NOTCH4: variants seen among roughly 807,000 people sequenced by gnomAD.
The protein encoded by NOTCH4 is neurogenic locus notch homolog protein 4.
Under a neutral mutation model 189.0 loss-of-function variants are expected in NOTCH4, and 138 were observed. That is an observed-to-expected ratio of 0.73 (90% CI 0.64 to 0.84). The LOEUF (loss-of-function observed/expected upper bound fraction) is 0.84. Ranked by LOEUF, NOTCH4 falls within the 40% of genes least tolerant of loss-of-function variation. NOTCH4 has a pLI of 0.00. For synonymous variants in NOTCH4, 942 were observed against 1,032.8 expected (o/e 0.91, Z 1.69); for missense variants, 2,286 against 2,605.4 (o/e 0.88, Z 2.67).
chr6:32,199,101 C>T lies in NOTCH4; in HGVS notation c.4360G>A (p.Val1454Met). The part of the protein sequence containing the change: ...QLPWPVLCSP[V>M]AGVILLALGA... ...AGGGCCAGGAGAATCACCCCGGCCACTGGGGAGCACAGCACAGGCCAGGGA... is the reference window on the plus strand; with the variant it reads ...AGGGCCAGGAGAATCACCCCGGCCATTGGGGAGCACAGCACAGGCCAGGGA... The change falls in exon 24 of 30, where the codon GTG becomes ATG. Residue 1454 changes from valine to methionine, a missense_variant. Around this residue, in one of 2 missense-constraint regions of NOTCH4, gnomAD observed 1,903 missense variants for 2,261.9 expected, o/e 0.84. Transcript: ENST00000375023. This position sits in a 1 kb window ranked among gnomAD's most constrained non-coding sequence, Gnocchi z 4.9. 2 of 1,611,866 alleles carry T rather than the reference C, an allele frequency of 1.2e-6. No individual in the cohort carries two copies. The highest frequency in any genetic ancestry group is 1.7e-6 in the Non-Finnish European group (2 of 1,179,558).
At chr6:32,209,050 C>T (rs751669836) in intron 18 of NOTCH4, among the ~76,000 whole-genome samples, 1 of 152,136 alleles carries the variant, frequency 6.6e-6, no homozygotes, top group Non-Finnish European at 1.5e-5. Flanking sequence ...CATATAGACA[C>T]AATGGAATAT....
Position 32,210,469 on chromosome 6 carries a change from G to A in NOTCH4, c.2865+283C>T, listed in dbSNP as rs1582800272. ...AAAGGCTGAACCTATAGAAGGACAA[G>A]TGTGGAGGCAGAGACTGTAGTTAGG... On this transcript the variant is annotated intron_variant, in intron 18 of 29. Coordinates refer to ENST00000375023, the MANE Select transcript of NOTCH4 (RefSeq NM_004557.4). This position sits in a 1 kb window ranked among gnomAD's most constrained non-coding sequence, Gnocchi z 4.8. Among the ~76,000 whole-genome samples, 1 of 152,220 alleles carries A rather than the reference G, an allele frequency of 6.6e-6. No individual in the cohort carries two copies. The highest frequency in any genetic ancestry group is 6.5e-5 in the Admixed American group (1 of 15,286).
chr6:32,223,170 C>A, intron 1 of NOTCH4, 84 bp from the exon 2 acceptor site: 1 of 971,436 alleles, frequency 1.0e-6, no homozygotes, highest in Middle Eastern at 2.1e-4. Flanking sequence ...GAGAGACCTG[C>A]CCACAGCAGC....
Position 32,218,126 on chromosome 6 carries a change from A to G in NOTCH4, c.1511-18T>C. The G allele has an allele frequency of 6.5e-7, 1 of 1,531,594 alleles. No individual in the cohort carries two copies. Among genetic ancestry groups the G allele is most frequent in the Non-Finnish European group, 9.0e-7 (1 of 1,113,872 alleles). The allele number at this position is 1,531,594 out of a possible 1,614,324, so 94.9% of individuals were successfully genotyped here. A position where few individuals can be genotyped will look rare whatever the true frequency, so the allele number is the denominator to read the frequency against. On this transcript the variant is annotated intron_variant, in intron 8 of 29. Coordinates refer to ENST00000375023, the MANE Select transcript of NOTCH4 (RefSeq NM_004557.4). ...TTCTAAGCCTGGGGACATGGGGACC[A>G]TGAGGGCTGTGGCTCAGCCAGGTCT...
At chr6:32,197,094 G>A (rs778308222) in intron 27 of NOTCH4, 22 bp from the exon 28 acceptor site, 2 of 1,610,306 alleles carry the variant, frequency 1.2e-6, no homozygotes, top group African/African-American at 2.7e-5. Context: ...GAGGGCCAGT[G>A]ACCCCTGGGG....
chr6:32,219,657 T>C lies in NOTCH4; in HGVS notation c.1445A>G (p.Gln482Arg). Reference protein sequence around the residue: ...CEADHNECLSQPCHPGSTCLD... With the variant: ...CEADHNECLSRPCHPGSTCLD... ...ACAGGTGCTTCCTGGGTGGCAGGGC[T>C]GGGAGAGGCACTCATTGTGATCAGC... The change falls in exon 8 of 30, where the codon CAG becomes CGG. Residue 482 changes from glutamine (Q) to arginine (R), a missense_variant. This residue lies in a region of NOTCH4 where 1,903 missense variants were observed against 2,261.9 expected (regional missense o/e 0.84). Coordinates refer to ENST00000375023, the MANE Select transcript of NOTCH4 (RefSeq NM_004557.4). 1 of 1,613,102 alleles carries C rather than the reference T, an allele frequency of 6.2e-7. No homozygotes were observed. Among genetic ancestry groups the C allele is most frequent in the Non-Finnish European group, 8.5e-7 (1 of 1,179,996 alleles).
In NOTCH4 at chr6:32,219,729, G is replaced by A; in HGVS notation, c.1373C>T (p.Ser458Phe). The change falls in exon 8 of 30, where the codon TCC becomes TTC. Residue 458 changes from serine to phenylalanine, a missense_variant. By Grantham distance (155) the Ser-to-Phe change is radical (BLOSUM62 -2). This residue lies in a region of NOTCH4 where 1,903 missense variants were observed against 2,261.9 expected (regional missense o/e 0.84). Coordinates refer to ENST00000375023, the MANE Select transcript of NOTCH4 (RefSeq NM_004557.4). ...GCCAGGTGGACAGAGGCAGTTGAAG[G>A]AGCCAGGAGTGTTGAGGCAGGAACC... ...HGGSCLNTPG[S>F]FNCLCPPGYT... 6.2e-7 allele frequency: 1 copy of A among 1,613,118 alleles called. No individual in the cohort carries two copies. Among genetic ancestry groups the A allele is most frequent in the Non-Finnish European group, 8.5e-7 (1 of 1,179,986 alleles).
Position 32,212,051 on chromosome 6 carries a change from A to AGAGAAGAG in NOTCH4, c.2680+422_2680+423insCTCTTCTC, listed in dbSNP as rs1789053985. On this transcript the variant is annotated intron_variant, in intron 17 of 29. Transcript: ENST00000375023. The surrounding 1 kb of genome is among the most constrained non-coding windows in gnomAD (Gnocchi z 4.4). ...CTTTCCCGAGCTCTTCTCATATCAAACCTTATTTTAGTGTTCTTTTACAAA... is the reference window on the plus strand; with the variant it reads ...CTTTCCCGAGCTCTTCTCATATCAAAGAGAAGAGCCTTATTTTAGTGTTCTTTTACAAA... Among the ~76,000 whole-genome samples, 1 of 151,940 alleles carries AGAGAAGAG rather than the reference A, an allele frequency of 6.6e-6. No individual in the cohort carries two copies. The highest frequency in any genetic ancestry group is 6.6e-5 in the Admixed American group (1 of 15,258).
intron 27 of NOTCH4, 73 bp from the exon 28 acceptor site, chr6:32,197,145 C>T (rs1787997739): frequency 4.5e-6 from 7 of 1,561,240 alleles, no homozygotes; most frequent in Non-Finnish European, 5.2e-6. Context: ...ACTATTAACC[C>T]CACTCGCAAT....
chr6:32,221,166 G>A lies in NOTCH4; in HGVS notation c.611C>T (p.Pro204Leu), dbSNP rs2071282. The A allele has an allele frequency of 2.5e-3, 4,070 of 1,613,114 alleles. 153 individuals are homozygous for A. In the East Asian group the frequency reaches 0.078, roughly 31 times the overall value. ...ATGGCAGGAGGTGCCTTTGGGGCAG[G>A]GTCCTGGGTCCTGGAAGCACTCGTT... ...DVNECFQDPG[P>L]CPKGTSCHNT... Residue 204 changes from proline to leucine, a missense_variant, in exon 4 of 30, where the codon CCC becomes CTC. By Grantham distance (98) the Pro-to-Leu change is moderately conservative. Coordinates refer to ENST00000375023, the MANE Select transcript of NOTCH4 (RefSeq NM_004557.4). This position sits in a 1 kb window ranked among gnomAD's most constrained non-coding sequence, Gnocchi z 4.3.
rs765255124 is a variant in NOTCH4, at chr6:32,199,116, C to T, written c.4345G>A (p.Val1449Met). The part of the protein sequence containing the change: ...APPANQLPWP[V>M]LCSPVAGVIL... ...ACCCCGGCCACTGGGGAGCACAGCA[C>T]AGGCCAGGGAAGCTGGTTGGCAGGG... is the stretch of plus-strand genomic sequence containing the variant. Residue 1449 changes from valine to methionine, a missense_variant, in exon 24 of 30, where the codon GTG (valine) becomes ATG (methionine). Val to Met is a conservative substitution (Grantham distance 21). This residue lies in a region of NOTCH4 where 1,903 missense variants were observed against 2,261.9 expected (regional missense o/e 0.84). Transcript: ENST00000375023. This position sits in a 1 kb window ranked among gnomAD's most constrained non-coding sequence, Gnocchi z 4.9. The T allele has an allele frequency of 1.9e-6, 3 of 1,609,008 alleles. No individual in the cohort carries two copies. The highest frequency in any genetic ancestry group is 2.2e-5 in the East Asian group (1 of 44,778).
In NOTCH4 at chr6:32,194,883, G is replaced by T; in HGVS notation, c.*554C>A. 1 of 233,632 alleles carries T rather than the reference G, an allele frequency of 4.3e-6. No individual in the cohort carries two copies. Among genetic ancestry groups the T allele is most frequent in the Middle Eastern group, 1.3e-3 (1 of 786 alleles). The allele number at this position is 233,632 out of a possible 1,614,324, so 14.5% of individuals were successfully genotyped here. On this transcript the variant is annotated 3_prime_UTR_variant, in exon 30 of 30. Transcript: ENST00000375023. The surrounding 1 kb of genome is among the most constrained non-coding windows in gnomAD (Gnocchi z 4.5). ...GCTTTATTATGGGTGACAGATTTAGGGTTCTTAAATAGCGATAGCAGTGGC... is the reference window on the plus strand; with the variant it reads ...GCTTTATTATGGGTGACAGATTTAGTGTTCTTAAATAGCGATAGCAGTGGC...
chr6:32,196,454 T>C (rs1035082628), intron 28 of NOTCH4, 33 bp from the exon 29 acceptor site: 3 of 1,608,752 alleles, frequency 1.9e-6, no homozygotes, highest in African/African-American at 2.7e-5. Flanking sequence ...GTTACCCCAG[T>C]TGGGGGCCAG....
chr6:32,199,028 T>C lies in NOTCH4; in HGVS notation c.4433A>G (p.His1478Arg), dbSNP rs1441116063. 1.2e-6 allele frequency: 2 copies of C among 1,612,804 alleles called. No homozygotes were observed. The highest frequency in any genetic ancestry group is 1.7e-6 in the Non-Finnish European group (2 of 1,179,886). ...ACCAGGGGGCAGCCAGAGAGCTCCA[T>C]GCTCTCGGCGTCGACGCCGGATGAG... ...LQLIRRRRREHGALWLPPGFT... is the reference protein window; with the variant it reads ...LQLIRRRRRERGALWLPPGFT... Residue 1478 changes from histidine to arginine, a missense_variant, in exon 24 of 30, where the codon CAT becomes CGT. By Grantham distance (29) the His-to-Arg change is conservative (BLOSUM62 0). Transcript: ENST00000375023. The surrounding 1 kb of genome is among the most constrained non-coding windows in gnomAD (Gnocchi z 4.9).
chr6:32,213,606 T>A lies in NOTCH4; in HGVS notation c.2320+82A>T, dbSNP rs544528665. On this transcript the variant is annotated intron_variant, in intron 14 of 29. Coordinates refer to ENST00000375023, the MANE Select transcript of NOTCH4 (RefSeq NM_004557.4). ...CAGGCTGGTCTGTTCAATTAAATTTTAAAAAATATGACACAAGCATACCCT... is the reference window on the plus strand; with the variant it reads ...CAGGCTGGTCTGTTCAATTAAATTTAAAAAAATATGACACAAGCATACCCT... The A allele has an allele frequency of 1.5e-4, 221 of 1,500,422 alleles. No individual in the cohort carries two copies. The African/African-American group carries it at 1.9e-3, about 13-fold the overall frequency. 92.9% of individuals were successfully genotyped at this position (1,500,422 alleles called of 1,614,324 possible).
intron 18 of NOTCH4, among the ~76,000 whole-genome samples, chr6:32,207,118 C>T (rs548953579): frequency 5.0e-4 from 75 of 151,076 alleles, no homozygotes; most frequent in African/African-American, 1.1e-3. Context: ...TTAGTAGAGA[C>T]GGGGGTTTCA....
rs1339821747 is a variant in NOTCH4, at chr6:32,211,856, A to G, written c.2680+618T>C. Among the ~76,000 whole-genome samples the G allele has an allele frequency of 2.6e-5, 4 of 152,170 alleles. No homozygotes were observed. The East Asian group carries it at 5.8e-4, about 22-fold the overall frequency. On this transcript the variant is annotated intron_variant, in intron 17 of 29. Coordinates refer to ENST00000375023, the MANE Select transcript of NOTCH4 (RefSeq NM_004557.4). ...GAGACATACCCCTAAAGCTTATCAT[A>G]ATGTTAAAGCAACTGTTTTCTTGGC...
In NOTCH4 at chr6:32,195,646, C is replaced by T. The variant is rs2127458018; in HGVS notation, c.5803G>A (p.Gly1935Arg). The T allele has an allele frequency of 6.2e-7, 1 of 1,612,972 alleles. No individual in the cohort carries two copies. The highest frequency in any genetic ancestry group is 8.5e-7 in the Non-Finnish European group (1 of 1,179,956). ...CTGCCTCCGCGCCCGGCAGCCACTC[C>T]GTATCTTCCTCGCATTATCGCAGGG... ...PNPAIMRGRY[G>R]VAAGRGGRVS... Residue 1935 changes from glycine to arginine, a missense_variant, in exon 30 of 30, where the codon GGA (glycine) becomes AGA (arginine). Around this residue, in one of 2 missense-constraint regions of NOTCH4, gnomAD observed 383 missense variants for 343.5 expected, o/e 1.11. Coordinates refer to ENST00000375023, the MANE Select transcript of NOTCH4 (RefSeq NM_004557.4). This position sits in a 1 kb window ranked among gnomAD's most constrained non-coding sequence, Gnocchi z 5.4.
Position 32,219,780 on chromosome 6 carries a change from T to C in NOTCH4, c.1322A>G (p.Gln441Arg), listed in dbSNP as rs772245719. 1.3e-5 allele frequency: 21 copies of C among 1,612,030 alleles called. No individual in the cohort carries two copies. Among genetic ancestry groups the C allele is most frequent in the Non-Finnish European group, 1.7e-5 (20 of 1,179,568 alleles). The change falls in exon 8 of 30, where the codon CAA becomes CGA. Residue 441 changes from glutamine to arginine, a missense_variant. This residue lies in a region of NOTCH4 where 1,903 missense variants were observed against 2,261.9 expected (regional missense o/e 0.84). Transcript: ENST00000375023. ...GCCATGTTCACAGGGACTTGGGCCT[T>C]GCTGGGCTGGGAGGAGAGAAGAGCT... ...QDLDECLMAQQGPSPCEHGGS... is the reference protein window; with the variant it reads ...QDLDECLMAQRGPSPCEHGGS...
Sources: allele counts gnomAD v4.1 joint callset (sites outside exome capture counted in the v4.1 genomes callset), GRCh38; gene constraint gnomAD v4.1.1; regional missense constraint gnomAD v4.1.1; non-coding constraint Gnocchi (gnomAD v3.1); transcripts MANE v1.5; gene names NCBI Gene and HGNC (gene_info 2026-07-23, HGNC 2026-07-21).